GRIN2B: variants seen among roughly 807,000 people sequenced by gnomAD.
GRIN2B encodes glutamate ionotropic receptor NMDA type subunit 2B, also known as glutamate receptor ionotropic, NMDA 2B.
GRIN2B carries 5 observed loss-of-function variants against 114.5 expected under a neutral mutation model. The ratio of observed to expected loss-of-function variants is 0.04; its 90% CI spans 0.02 to 0.09. GRIN2B has a LOEUF of 0.09. Among genes scored for constraint, GRIN2B ranks in the 10% least tolerant of loss-of-function variants. The pLI, the probability that GRIN2B is intolerant of heterozygous loss-of-function variation, is 1.00. For missense variants in GRIN2B, 1,108 were observed against 1,943.5 expected (o/e 0.57, Z 8.08); for synonymous variants, 787 against 745.1 (o/e 1.06, Z -0.92).
At chr12:13,726,403 C>T (rs10845836) in intron 4 of GRIN2B, among the ~76,000 whole-genome samples, 18,037 of 151,470 alleles carry the variant, frequency 0.12, 1,151 homozygotes, top group East Asian at 0.2. Flanking sequence ...GGCATGGTGG[C>T]GGCCACCTGT....
chr12:13,891,199 T>C (rs761915282), intron 2 of GRIN2B, among the ~76,000 whole-genome samples: 1 of 152,232 alleles, frequency 6.6e-6, no homozygotes, highest in Non-Finnish European at 1.5e-5. Context: ...GAACTCAATA[T>C]GCAAATGCAT....
chr12:13,800,850 T>C (rs1263969620), intron 3 of GRIN2B, among the ~76,000 whole-genome samples: 1 of 152,210 alleles, frequency 6.6e-6, no homozygotes, highest in African/African-American at 2.4e-5. Context: ...GTCTTAAATG[T>C]CATGCTATGC....
At chr12:13,592,849 T>C (rs186831056) in intron 10 of GRIN2B, among the ~76,000 whole-genome samples, 1 of 152,326 alleles carries the variant, frequency 6.6e-6, no homozygotes. Context: ...AATGTCTTAC[T>C]GATGTGTGAT....
intron 4 of GRIN2B, among the ~76,000 whole-genome samples, chr12:13,700,379 A>C (rs1381223613): frequency 6.6e-6 from 1 of 152,164 alleles, no homozygotes; most frequent in Non-Finnish European, 1.5e-5. Context: ...TTTTCAGTGA[A>C]TGTTTGGAGT....
chr12:13,948,904 A>G (rs1176422108), intron 2 of GRIN2B, among the ~76,000 whole-genome samples: 8 of 152,124 alleles, frequency 5.3e-5, no homozygotes, highest in Admixed American at 3.3e-4. Context: ...AAACCCAGGA[A>G]CCACAAACTC....
intron 3 of GRIN2B, among the ~76,000 whole-genome samples, chr12:13,777,349 A>G (rs1034530978): frequency 2.0e-5 from 3 of 152,178 alleles, no homozygotes; most frequent in Non-Finnish European, 4.4e-5. Context: ...TGACCACTCA[A>G]TAGTTTCCAG....
In GRIN2B at chr12:13,972,590, A is replaced by T. The variant is rs531769113; in HGVS notation, c.-19+7338T>A. ...ACCACTGGCTGATTTAGGGCCATGC[A>T]TTCCAAGGGGGCTCTTGGGGGCAGG... is the stretch of plus-strand genomic sequence containing the variant. On this transcript the variant is annotated intron_variant, in intron 2 of 13. Transcript: ENST00000609686. Among the ~76,000 whole-genome samples, 3 of 152,228 alleles carry T rather than the reference A, an allele frequency of 2.0e-5. No homozygotes were observed. In the South Asian group the frequency reaches 6.2e-4, roughly 32 times the overall value.
intron 3 of GRIN2B, among the ~76,000 whole-genome samples, chr12:13,856,704 C>G (rs1865666441): frequency 6.6e-6 from 1 of 152,154 alleles, no homozygotes; most frequent in South Asian, 2.1e-4. Flanking sequence ...CCTTGCACCT[C>G]CCCTGGCCAT....
chr12:13,635,223 A>G (rs1455947316), intron 5 of GRIN2B, among the ~76,000 whole-genome samples: 2 of 152,176 alleles, frequency 1.3e-5, no homozygotes. Flanking sequence ...TAGACTGTGG[A>G]GGAAAATGGG....
chr12:13,579,986 C>T (rs1308011265), intron 10 of GRIN2B, among the ~76,000 whole-genome samples: 1 of 152,210 alleles, frequency 6.6e-6, no homozygotes. Context: ...TAAGACTCCT[C>T]CAACCTGGTT....
intron 4 of GRIN2B, among the ~76,000 whole-genome samples, chr12:13,710,216 A>G (rs964098049): frequency 5.3e-5 from 8 of 152,080 alleles, no homozygotes; most frequent in Non-Finnish European, 1.2e-4. Flanking sequence ...CTAGGTATTG[A>G]TGGGATGTAT....
At chr12:13,898,021 T>A (rs546257645) in intron 2 of GRIN2B, among the ~76,000 whole-genome samples, 1 of 149,438 alleles carries the variant, frequency 6.7e-6, no homozygotes, top group Non-Finnish European at 1.5e-5. Flanking sequence ...AATAAATAAA[T>A]AAATAAAAAA....
intron 4 of GRIN2B, among the ~76,000 whole-genome samples, chr12:13,700,645 A>G (rs7297761): frequency 0.36 from 55,448 of 152,082 alleles, 10,310 homozygotes; most frequent in Middle Eastern, 0.48. Flanking sequence ...GTACCAGTCT[A>G]CCAGGCATAT....
intron 2 of GRIN2B, among the ~76,000 whole-genome samples, chr12:13,978,592 G>GA (rs796634332): frequency 7.2e-4 from 109 of 151,996 alleles, no homozygotes; most frequent in African/African-American, 2.4e-3. Flanking sequence ...TAAAATGCCA[G>GA]AAAAAAAAAT....
intron 2 of GRIN2B, among the ~76,000 whole-genome samples, chr12:13,903,954 A>G (rs975044680): frequency 5.9e-5 from 9 of 152,012 alleles, no homozygotes; most frequent in Non-Finnish European, 1.0e-4. Context: ...ATCTGTCTGA[A>G]GTCTATTTTA....
intron 3 of GRIN2B, among the ~76,000 whole-genome samples, chr12:13,805,210 G>A (rs141658): frequency 0.97 from 148,308 of 152,256 alleles, 72,347 homozygotes; most frequent in Middle Eastern, 1. Flanking sequence ...AAACCAAAGC[G>A]CAGAAAGGTG....
At chr12:13,826,956 T>C (rs1282502131) in intron 3 of GRIN2B, among the ~76,000 whole-genome samples, 1 of 151,642 alleles carries the variant, frequency 6.6e-6, no homozygotes, top group Non-Finnish European at 1.5e-5. Context: ...TTTACATAGA[T>C]AAAAAGATAT....
chr12:13,784,357 C>T (rs181187727), intron 3 of GRIN2B, among the ~76,000 whole-genome samples: 12 of 150,950 alleles, frequency 7.9e-5, no homozygotes, highest in Non-Finnish European at 1.5e-4. Context: ...GACTAAAATA[C>T]GGCAAGTGCT....
rs1806206 is a variant in GRIN2B at position 13,566,499 on chromosome 12, C to G, written c.2598+526G>C. Among the ~76,000 whole-genome samples, 655 of 152,282 alleles carry G rather than the reference C, an allele frequency of 4.3e-3. 5 individuals are homozygous for G. Among genetic ancestry groups the G allele is most frequent in the African/African-American group, 0.015 (615 of 41,548 alleles). On this transcript the variant is annotated intron_variant, in intron 13 of 13. Transcript: ENST00000609686. ...ACTCTTGCTCCAACTAGGGAAGTTTCTGGAATGTAAATTTCTTATGAGTCA... is the reference window on the plus strand; with the variant it reads ...ACTCTTGCTCCAACTAGGGAAGTTTGTGGAATGTAAATTTCTTATGAGTCA...
Sources: allele counts gnomAD v4.1 joint callset (sites outside exome capture counted in the v4.1 genomes callset), GRCh38; gene constraint gnomAD v4.1.1; transcripts MANE v1.5; gene names NCBI Gene and HGNC (gene_info 2026-07-23, HGNC 2026-07-21).